Variants in MACROD2 observed in about 807,000 individuals in gnomAD.
The protein encoded by MACROD2 is ADP-ribose glycohydrolase MACROD2.
MACROD2 carries 36 observed loss-of-function variants against 70.4 expected under a neutral mutation model. That is an observed-to-expected ratio of 0.51 (90% CI 0.39 to 0.68). The LOEUF is 0.68. Ranked by LOEUF, MACROD2 falls within the 30% of genes least tolerant of loss-of-function variation. MACROD2 has a pLI of 0.00. For missense variants in MACROD2, 496 were observed against 538.4 expected (o/e 0.92, Z 0.78); for synonymous variants, 172 against 178.8 (o/e 0.96, Z 0.30).
intron 4 of MACROD2, among the ~76,000 whole-genome samples, chr20:14,649,425 T>C (rs12626056): frequency 0.14 from 21,987 of 152,174 alleles, 1,955 homozygotes; most frequent in South Asian, 0.22. Flanking sequence ...GGAGAGCATC[T>C]CCGTTGCTTA....
In MACROD2 at chr20:15,964,512, C is replaced by T. The variant is rs553557748; in HGVS notation, c.908-3041C>T. Among the ~76,000 whole-genome samples the T allele has an allele frequency of 3.9e-5, 6 of 152,264 alleles. No individual in the cohort carries two copies. The East Asian group carries it at 7.7e-4, about 20-fold the overall frequency. On this transcript the variant is annotated intron_variant, in intron 12 of 17. Coordinates refer to ENST00000684519, the MANE Select transcript of MACROD2 (RefSeq NM_001351661.2). ...GATCACCTTCCTAAGGCCCCACCCCCTAGTGCCATCACCTTAGCAGTTAGA... is the reference window on the plus strand; with the variant it reads ...GATCACCTTCCTAAGGCCCCACCCCTTAGTGCCATCACCTTAGCAGTTAGA...
chr20:15,719,298 T>C (rs1396177842), intron 8 of MACROD2, among the ~76,000 whole-genome samples: 1 of 152,224 alleles, frequency 6.6e-6, no homozygotes, highest in East Asian at 1.9e-4. Context: ...GAAGAATTTA[T>C]GCACTTTGCC....
At chr20:14,945,520 T>G (rs1476425138) in intron 5 of MACROD2, among the ~76,000 whole-genome samples, 1 of 152,220 alleles carries the variant, frequency 6.6e-6, no homozygotes, top group Non-Finnish European at 1.5e-5. Context: ...CTTCATTGTA[T>G]CATCTTCTTG....
At chr20:14,088,414 T>C (rs954487003) in intron 3 of MACROD2, among the ~76,000 whole-genome samples, 1 of 151,742 alleles carries the variant, frequency 6.6e-6, no homozygotes, top group African/African-American at 2.4e-5. Context: ...ATAAAAGATA[T>C]ATATTTATAC....
At chr20:15,342,842 C>T (rs894437124) in intron 6 of MACROD2, among the ~76,000 whole-genome samples, 3 of 152,170 alleles carry the variant, frequency 2.0e-5, no homozygotes, top group African/African-American at 7.2e-5. Flanking sequence ...CTCTATCACA[C>T]ACCCACCTTG....
chr20:15,750,228 C>T (rs62194678), intron 8 of MACROD2, among the ~76,000 whole-genome samples: 17,154 of 151,880 alleles, frequency 0.11, 1,109 homozygotes, highest in Admixed American at 0.14. Flanking sequence ...ATTCAAATAG[C>T]CAATAGGTAC....
At chr20:14,520,332 A>C (rs2085152253) in intron 4 of MACROD2, among the ~76,000 whole-genome samples, 1 of 152,162 alleles carries the variant, frequency 6.6e-6, no homozygotes, top group Non-Finnish European at 1.5e-5. Flanking sequence ...AAAAGAAAGA[A>C]AACTCAAGAA....
At chr20:14,068,443 C>T (rs1030151527) in intron 2 of MACROD2, among the ~76,000 whole-genome samples, 9 of 152,100 alleles carry the variant, frequency 5.9e-5, no homozygotes, top group East Asian at 1.9e-4. Flanking sequence ...AGCCAGAATA[C>T]GAACTCCTCA....
At chr20:14,213,805 CAAATT>C (rs1346640252) in intron 3 of MACROD2, among the ~76,000 whole-genome samples, 4 of 151,858 alleles carry the variant, frequency 2.6e-5, no homozygotes, top group Non-Finnish European at 4.4e-5. Context: ...ATGTTATTTC[CAAATT>C]AAATTAAAAG....
chr20:14,708,626 C>G (rs6042875), intron 5 of MACROD2, among the ~76,000 whole-genome samples: 79,283 of 151,808 alleles, frequency 0.52, 20,976 homozygotes, highest in Non-Finnish European at 0.57. Flanking sequence ...TTGTTTGTTG[C>G]TTTTATTTTG....
chr20:14,095,938 G>T (rs1324912231), intron 3 of MACROD2, among the ~76,000 whole-genome samples: 2 of 152,252 alleles, frequency 1.3e-5, no homozygotes, highest in African/African-American at 4.8e-5. Context: ...AAAGAAAAAT[G>T]TTACCTTGCT....
chr20:15,348,458 G>T (rs2423945), intron 6 of MACROD2, among the ~76,000 whole-genome samples: 93,368 of 152,040 alleles, frequency 0.61, 28,769 homozygotes, highest in East Asian at 0.74. Flanking sequence ...TTTTCATGTT[G>T]ATTAAAAGAA....
At chr20:14,864,327 C>T (rs1180186578) in intron 5 of MACROD2, among the ~76,000 whole-genome samples, 1 of 152,034 alleles carries the variant, frequency 6.6e-6, no homozygotes, top group Admixed American at 6.6e-5. Flanking sequence ...GTTTGTGTAT[C>T]CTTCAGTTGT....
At chr20:15,885,884 T>C (rs1005708400) in intron 10 of MACROD2, 73 bp downstream of exon 10, 2 of 1,384,866 alleles carry the variant, frequency 1.4e-6, no homozygotes, top group East Asian at 2.9e-5. Flanking sequence ...CTTCATATTT[T>C]TTCAACGAAA....
At chr20:14,913,515 C>CG (rs11433600) in intron 5 of MACROD2, among the ~76,000 whole-genome samples, 6,228 of 152,018 alleles carry the variant, frequency 0.041, 436 homozygotes, top group African/African-American at 0.14. Flanking sequence ...AGCAAGACTC[C>CG]GTCTCAACAA....
At chr20:15,715,325 C>T (rs2050692985) in intron 8 of MACROD2, among the ~76,000 whole-genome samples, 1 of 152,102 alleles carries the variant, frequency 6.6e-6, no homozygotes, top group Non-Finnish European at 1.5e-5. Flanking sequence ...CCAAGGTCAG[C>T]TCTACCAAAG....
chr20:15,155,631 T>G (rs1413821922), intron 5 of MACROD2, among the ~76,000 whole-genome samples: 1 of 152,186 alleles, frequency 6.6e-6, no homozygotes, highest in Non-Finnish European at 1.5e-5. Context: ...GAGCCTATCA[T>G]GTATCTCTCT....
chr20:14,907,334 T>G (rs2073971042), intron 5 of MACROD2, among the ~76,000 whole-genome samples: 1 of 152,224 alleles, frequency 6.6e-6, no homozygotes, highest in African/African-American at 2.4e-5. Context: ...CCTCTGCTGC[T>G]GCTGTACATT....
At chr20:14,769,440 A>G (rs2072136246) in intron 5 of MACROD2, among the ~76,000 whole-genome samples, 1 of 152,010 alleles carries the variant, frequency 6.6e-6, no homozygotes, top group African/African-American at 2.4e-5. Flanking sequence ...CTTTTATTTT[A>G]TTGTTGTTGT....
Sources: allele counts gnomAD v4.1 joint callset (sites outside exome capture counted in the v4.1 genomes callset), GRCh38; gene constraint gnomAD v4.1.1; transcripts MANE v1.5; gene names NCBI Gene and HGNC (gene_info 2026-07-23, HGNC 2026-07-21).